Variants in LTBP1 observed in about 807,000 individuals in gnomAD.
LTBP1 encodes latent transforming growth factor beta binding protein 1.
Under a neutral mutation model 207.6 loss-of-function variants are expected in LTBP1, and 129 were observed. The observed-to-expected ratio is 0.62, with a 90% CI of 0.54 to 0.72. The LOEUF (loss-of-function observed/expected upper bound fraction) is 0.72. LTBP1 is among the 30% of genes least tolerant of loss of function. The pLI, the probability that LTBP1 is intolerant of heterozygous loss-of-function variation, is 0.00. For synonymous variants in LTBP1, 963 were observed against 833.7 expected (o/e 1.16, Z -2.67); for missense variants, 2,281 against 2,217.2 (o/e 1.03, Z -0.58).
At chr2:33,006,927 A>G (rs1686981464) in intron 2 of LTBP1, among the ~76,000 whole-genome samples, 1 of 152,150 alleles carries the variant, frequency 6.6e-6, no homozygotes, top group Non-Finnish European at 1.5e-5. Context: ...GAATGGCCTT[A>G]TATTTCACAG....
At chr2:33,289,133 T>TA (rs757466594) in intron 19 of LTBP1, among the ~76,000 whole-genome samples, 17 of 152,198 alleles carry the variant, frequency 1.1e-4, no homozygotes, top group Non-Finnish European at 1.8e-4. Context: ...ATGTACTTGT[T>TA]AGAGTCTCTC....
chr2:33,276,347 T>A (rs2093426620), intron 18 of LTBP1, among the ~76,000 whole-genome samples: 1 of 152,240 alleles, frequency 6.6e-6, no homozygotes, highest in Non-Finnish European at 1.5e-5. Context: ...GTTCTGGTAC[T>A]TTCTCACAGA....
At chr2:33,240,131 T>C (rs1472873788) in intron 9 of LTBP1, among the ~76,000 whole-genome samples, 2 of 152,208 alleles carry the variant, frequency 1.3e-5, no homozygotes, top group Admixed American at 1.3e-4. Flanking sequence ...TAAGTCTGAA[T>C]AGAATTACGG....
intron 5 of LTBP1, among the ~76,000 whole-genome samples, chr2:33,163,679 A>G (rs890667240): frequency 3.3e-5 from 5 of 152,218 alleles, no homozygotes; most frequent in Non-Finnish European, 7.3e-5. Context: ...ACAGAATTTT[A>G]TGTGTATTCA....
In LTBP1 at chr2:33,341,714, C is replaced by CAAAAA. The variant is rs1212498794; in HGVS notation, c.3731-1112_3731-1108dup. Among the ~76,000 whole-genome samples the CAAAAA allele has an allele frequency of 5.5e-3, 624 of 113,022 alleles. 9 individuals are homozygous for CAAAAA. The highest frequency in any genetic ancestry group is 0.025 in the African/African-American group (594 of 23,324). 74.1% of individuals were successfully genotyped at this position (113,022 alleles called of 152,430 possible). Reference sequence around the variant, plus strand: ...CGACAGAGTGAGACTCCGTCTCACTCAAAAAAAAAAAAAAAATATATATAT... The same window carrying CAAAAA: ...CGACAGAGTGAGACTCCGTCTCACTCAAAAAAAAAAAAAAAAAAAAATATATATAT... On this transcript the variant is annotated intron_variant, in intron 24 of 33. Coordinates refer to ENST00000404816, the MANE Select transcript of LTBP1 (RefSeq NM_206943.4).
At position 33,234,582 on chromosome 2, in the gene LTBP1, C is replaced by A. The variant is rs528508660; in HGVS notation, c.1877-9080C>A. ...TCAAAGAAATAAGAGAGGACACAAA[C>A]AAATGGAAAAACATTCCATGCTCCT... On this transcript the variant is annotated intron_variant, in intron 9 of 33. Transcript: ENST00000404816. Among the ~76,000 whole-genome samples, 16 of 152,210 alleles carry A rather than the reference C, an allele frequency of 1.1e-4. No individual in the cohort carries two copies. In the East Asian group the frequency reaches 2.9e-3, roughly 28 times the overall value.
At chr2:33,360,482 C>A in intron 26 of LTBP1, 115 bp from the exon 27 acceptor site, 1 of 628,576 alleles carries the variant, frequency 1.6e-6, no homozygotes, top group East Asian at 2.8e-5. Flanking sequence ...AAAGCATTTT[C>A]TATAAAGCAA....
At chr2:32,965,521 T>C (rs1297440247) in intron 2 of LTBP1, among the ~76,000 whole-genome samples, 1 of 152,208 alleles carries the variant, frequency 6.6e-6, no homozygotes, top group Non-Finnish European at 1.5e-5. Context: ...ACTGATCCTT[T>C]TACTGTCTCC....
chr2:32,972,126 T>TTTTCCTGTGGATTCAGTGGTAA (rs1680973989), intron 2 of LTBP1, among the ~76,000 whole-genome samples: 1 of 135,514 alleles, frequency 7.4e-6, no homozygotes, highest in Non-Finnish European at 1.7e-5. Flanking sequence ...TGTTTTTTTT[T>TTTTCCTGTGGATTCAGTGGTAA]TTCTGTGGAT....
At chr2:33,245,143 G>A (rs1378342312) in intron 10 of LTBP1, among the ~76,000 whole-genome samples, 3 of 152,176 alleles carry the variant, frequency 2.0e-5, no homozygotes, top group African/African-American at 7.2e-5. Context: ...GCCTCCCAAA[G>A]TGCTGGGATT....
chr2:33,396,385 T>A (rs2095358478), intron 32 of LTBP1, among the ~76,000 whole-genome samples: 1 of 152,128 alleles, frequency 6.6e-6, no homozygotes, highest in Non-Finnish European at 1.5e-5. Flanking sequence ...CACGCCCGGC[T>A]AATTTTCTGT....
At chr2:33,355,984 T>C (rs1416864413) in intron 26 of LTBP1, among the ~76,000 whole-genome samples, 1 of 152,026 alleles carries the variant, frequency 6.6e-6, no homozygotes, top group Non-Finnish European at 1.5e-5. Flanking sequence ...TGTTTTACCA[T>C]CTGAAGTTAT....
chr2:33,184,378 C>T (rs1236315773), intron 5 of LTBP1, among the ~76,000 whole-genome samples: 1 of 152,118 alleles, frequency 6.6e-6, no homozygotes, highest in Admixed American at 6.6e-5. Context: ...GATCTCTTCC[C>T]TTCCCTCTAG....
intron 5 of LTBP1, among the ~76,000 whole-genome samples, chr2:33,154,777 A>G (rs926497899): frequency 6.6e-6 from 1 of 152,212 alleles, no homozygotes; most frequent in African/African-American, 2.4e-5. Context: ...TAAAAGTTGA[A>G]CTAGGCCGGG....
At chr2:33,104,127 A>C (rs2079918174) in intron 3 of LTBP1, among the ~76,000 whole-genome samples, 1 of 152,038 alleles carries the variant, frequency 6.6e-6, no homozygotes, top group African/African-American at 2.4e-5. Flanking sequence ...CAAATAATGG[A>C]TTTAGTAGAA....
At chr2:33,076,798 G>A (rs1313809899) in intron 3 of LTBP1, among the ~76,000 whole-genome samples, 3 of 148,700 alleles carry the variant, frequency 2.0e-5, no homozygotes, top group Admixed American at 6.9e-5. Context: ...GCCTCCCAAA[G>A]TACTGGGATT....
At chr2:32,986,742 G>A (rs539180853) in intron 2 of LTBP1, among the ~76,000 whole-genome samples, 20 of 152,240 alleles carry the variant, frequency 1.3e-4, no homozygotes, top group South Asian at 8.3e-4. Flanking sequence ...GGTGATCTCC[G>A]TTTGTCTTCA....
At chr2:33,253,649 T>C (rs760456359) in intron 11 of LTBP1, among the ~76,000 whole-genome samples, 3 of 152,176 alleles carry the variant, frequency 2.0e-5, no homozygotes, top group Admixed American at 6.5e-5. Flanking sequence ...TAGGAAAGTG[T>C]CTTAACTCTC....
chr2:32,977,840 T>A (rs374485467), intron 2 of LTBP1, among the ~76,000 whole-genome samples: 10 of 152,200 alleles, frequency 6.6e-5, no homozygotes, highest in Admixed American at 2.0e-4. Flanking sequence ...AGTAGTTTCA[T>A]GGATGATCAG....
Sources: allele counts gnomAD v4.1 joint callset (sites outside exome capture counted in the v4.1 genomes callset), GRCh38; gene constraint gnomAD v4.1.1; transcripts MANE v1.5; gene names NCBI Gene and HGNC (gene_info 2026-07-23, HGNC 2026-07-21).